The following MCTP1 variants were observed in gnomAD, a reference collection of about 807,000 sequenced individuals.
The protein encoded by MCTP1 is multiple C2 and transmembrane domain-containing protein 1.
MCTP1 carries 69 observed loss-of-function variants against 120.6 expected under a neutral mutation model. That is an observed-to-expected ratio of 0.57 (90% CI 0.47 to 0.70). MCTP1 has a LOEUF of 0.70. MCTP1 is among the 30% of genes least tolerant of loss of function. The pLI is 0.00. For synonymous variants in MCTP1, 529 were observed against 493.1 expected, an observed-to-expected ratio of 1.07 and a Z score of -0.96; for missense variants, 1,203 against 1,248.8, an observed-to-expected ratio of 0.96 and a Z score of 0.55.
chr5:95,064,083 C>A (rs866681762), intron 1 of MCTP1, among the ~76,000 whole-genome samples: 2 of 152,306 alleles, frequency 1.3e-5, no homozygotes, highest in Middle Eastern at 6.8e-3. Flanking sequence ...AACTATAATT[C>A]GTGTCTTAAA....
intron 3 of MCTP1, among the ~76,000 whole-genome samples, chr5:94,945,259 G>A (rs1245313945): frequency 6.6e-6 from 1 of 152,102 alleles, no homozygotes; most frequent in Non-Finnish European, 1.5e-5. Flanking sequence ...TTGGGACTTG[G>A]TAACACCTTC....
intron 3 of MCTP1, among the ~76,000 whole-genome samples, chr5:94,952,130 C>T (rs116206090): frequency 0.018 from 2,567 of 139,866 alleles, 38 homozygotes; most frequent in Middle Eastern, 0.027. Flanking sequence ...CAAGATCGTG[C>T]CACTGCACTC....
chr5:95,081,825 C>A (rs2152322051), intron 1 of MCTP1: 1 of 1,029,822 alleles, frequency 9.7e-7, no homozygotes, highest in Middle Eastern at 4.7e-4. Context: ...ACTTCACCTG[C>A]TAAATCAAAC....
chr5:95,247,129 T>C (rs112665165), intron 1 of MCTP1, among the ~76,000 whole-genome samples: 20,677 of 152,194 alleles, frequency 0.14, 1,405 homozygotes, highest in Middle Eastern at 0.19. Flanking sequence ...GAGGGTGTTA[T>C]GTGTCCCGGA....
At chr5:95,273,891 C>G (rs1387941284) in intron 1 of MCTP1, among the ~76,000 whole-genome samples, 1 of 152,194 alleles carries the variant, frequency 6.6e-6, no homozygotes, top group Non-Finnish European at 1.5e-5. Flanking sequence ...CTCCCCCTTC[C>G]CTGGACATTC....
Position 94,984,698 on chromosome 5 carries a change from G to A in MCTP1, c.839-31337C>T, listed in dbSNP as rs116893675. On this transcript the variant is annotated intron_variant, in intron 2 of 22. Transcript: ENST00000515393. ...TAATCATCTTTTAAAGCTGATAGATGGCTTTTCTTCTCTCATAAGGTTATA... is the reference window on the plus strand; with the variant it reads ...TAATCATCTTTTAAAGCTGATAGATAGCTTTTCTTCTCTCATAAGGTTATA... Among the ~76,000 whole-genome samples, 1,067 of 152,128 alleles carry A rather than the reference G, an allele frequency of 7.0e-3. 29 individuals carry two copies. Among genetic ancestry groups the A allele is most frequent in the East Asian group, 0.046 (236 of 5,172 alleles).
intron 1 of MCTP1, among the ~76,000 whole-genome samples, chr5:95,219,246 G>A (rs1437584341): frequency 1.3e-5 from 2 of 151,978 alleles, no homozygotes; most frequent in Non-Finnish European, 2.9e-5. Context: ...GCCGGGCATG[G>A]TGGTGGGCAC....
intron 1 of MCTP1, among the ~76,000 whole-genome samples, chr5:95,071,092 G>A (rs1236234607): frequency 6.6e-6 from 1 of 152,182 alleles, no homozygotes; most frequent in Non-Finnish European, 1.5e-5. Flanking sequence ...GAGAAATGTT[G>A]AACAAAGCAC....
intron 1 of MCTP1, among the ~76,000 whole-genome samples, chr5:95,141,403 T>A (rs1358381917): frequency 6.6e-6 from 1 of 152,246 alleles, no homozygotes; most frequent in African/African-American, 2.4e-5. Context: ...CTCTGCAGAT[T>A]AAATCTGGAA....
At chr5:95,194,063 A>G (rs1424442262) in intron 1 of MCTP1, among the ~76,000 whole-genome samples, 1 of 152,052 alleles carries the variant, frequency 6.6e-6, no homozygotes, top group East Asian at 1.9e-4. Flanking sequence ...AATAACATAA[A>G]AAATTAGCCA....
At chr5:94,931,415 C>A (rs13170906) in intron 6 of MCTP1, 20,757 of 152,096 alleles carry the variant, frequency 0.14, 1,510 homozygotes, top group African/African-American at 0.17. Flanking sequence ...GCATATCTTA[C>A]AAGTTGAAGA....
intron 21 of MCTP1, 190 bp from the exon 22 acceptor site, chr5:94,708,799 C>G: frequency 2.1e-6 from 1 of 486,912 alleles, no homozygotes. Context: ...TTAGTAGCTT[C>G]TTCCAAGCAG....
At chr5:94,902,052 C>A (rs1805686353) in intron 10 of MCTP1, among the ~76,000 whole-genome samples, 1 of 152,126 alleles carries the variant, frequency 6.6e-6, no homozygotes, top group Admixed American at 6.5e-5. Context: ...GGCTCACTCG[C>A]CTTTCCTGAA....
intron 1 of MCTP1, among the ~76,000 whole-genome samples, chr5:95,027,777 C>G (rs1286141517): frequency 1.3e-5 from 2 of 152,158 alleles, no homozygotes; most frequent in African/African-American, 4.8e-5. Context: ...CCTCTTCTGG[C>G]CTTCTTTGAG....
At chr5:94,735,210 G>A (rs987727128) in intron 19 of MCTP1, among the ~76,000 whole-genome samples, 1 of 152,200 alleles carries the variant, frequency 6.6e-6, no homozygotes, top group Non-Finnish European at 1.5e-5. Context: ...CCGTGTCACA[G>A]ACATGCCTTC....
At chr5:95,243,603 G>GA (rs1331695803) in intron 1 of MCTP1, among the ~76,000 whole-genome samples, 1 of 152,174 alleles carries the variant, frequency 6.6e-6, no homozygotes, top group Non-Finnish European at 1.5e-5. Flanking sequence ...CAGGAGAAAA[G>GA]AAAATTCTGG....
intron 17 of MCTP1, among the ~76,000 whole-genome samples, chr5:94,865,256 A>C (rs1369406522): frequency 6.6e-6 from 1 of 151,696 alleles, no homozygotes; most frequent in Admixed American, 6.6e-5. Flanking sequence ...TTCAATTGAC[A>C]TAGGGATTAA....
chr5:94,975,308 G>T lies in MCTP1; in HGVS notation c.839-21947C>A, dbSNP rs531265311. Among the ~76,000 whole-genome samples the T allele has an allele frequency of 4.6e-5, 7 of 152,144 alleles. No individual in the cohort carries two copies. The South Asian group carries it at 1.5e-3, about 32-fold the overall frequency. Reference sequence around the variant, plus strand: ...TGGTATTTGGAAGTAAAGACTTCAGGAGGCGATTAGGTTTGGATAAGGTCA... The same window carrying T: ...TGGTATTTGGAAGTAAAGACTTCAGTAGGCGATTAGGTTTGGATAAGGTCA... On this transcript the variant is annotated intron_variant, in intron 2 of 22. Transcript: ENST00000515393.
chr5:94,727,267 T>A (rs908295239), intron 19 of MCTP1, among the ~76,000 whole-genome samples: 3 of 152,256 alleles, frequency 2.0e-5, no homozygotes, highest in African/African-American at 4.8e-5. Flanking sequence ...AGCTGTTTTT[T>A]ATTTCCTGCT....
Sources: gnomAD v4.1 joint callset for allele counts (sites outside exome capture counted in the v4.1 genomes callset) on GRCh38, gnomAD v4.1.1 for gene constraint, MANE v1.5 for transcripts, NCBI Gene and HGNC (gene_info 2026-07-23, HGNC 2026-07-21) for gene names.